DMD: variants seen among roughly 807,000 people sequenced by gnomAD.
DMD encodes the protein dystrophin.
In DMD, 63 loss-of-function variants were observed where a neutral mutation model predicts 330.1. That is an observed-to-expected ratio of 0.19 (90% CI 0.16 to 0.24). The LOEUF (loss-of-function observed/expected upper bound fraction) is 0.24, where lower values mean the gene tolerates loss of function less well. Ranked by LOEUF, DMD falls within the 10% of genes least tolerant of loss-of-function variation. The pLI is 1.00. For missense variants in DMD, 3,344 were observed against 2,684.1 expected, an observed-to-expected ratio of 1.25 and a Z score of -5.43; for synonymous variants, 1,223 against 959.8, an observed-to-expected ratio of 1.27 and a Z score of -5.07.
At chrX:32,796,044 A>G (rs2076157681) in intron 7 of DMD, among the ~76,000 whole-genome samples, 1 of 111,783 alleles carries the variant, frequency 8.9e-6, no homozygotes, top group Non-Finnish European at 1.9e-5. Context: ...TGAAAACAGT[A>G]TGGAGAAGAT....
rs1227539937 is a variant in DMD, at chrX:31,929,671, T to G, written c.6837A>C (p.Val2279=). 5 of 1,209,332 alleles carry G rather than the reference T, an allele frequency of 4.1e-6. No individual in the cohort carries two copies. The African/African-American group carries it at 8.8e-5, about 21-fold the overall frequency. The stretch of plus-strand genomic sequence containing the variant: ...GCTCTTCTGGGCTTATGGGAGCACT[T>G]ACAAGCACGGGTCCTCCAGTTTCAT... ...QLNETGGPVL[V]SAPISPEEQD... is the part of the protein sequence containing the mutation. Residue 2279 remains valine, a synonymous_variant, in exon 47 of 79, where the codon GTA becomes GTC. Transcript: ENST00000357033.
intron 15 of DMD, among the ~76,000 whole-genome samples, chrX:32,569,128 G>A (rs982991611): frequency 2.7e-5 from 3 of 111,188 alleles, no homozygotes; most frequent in African/African-American, 6.6e-5. Flanking sequence ...TACCTCCAAG[G>A]TAGGGAGGAA....
At chrX:32,658,342 A>G (rs2060721466) in intron 9 of DMD, among the ~76,000 whole-genome samples, 1 of 111,021 alleles carries the variant, frequency 9.0e-6, no homozygotes, top group South Asian at 3.8e-4. Context: ...AGACTCCTTA[A>G]CCTTAAGCTT....
chrX:32,330,789 A>G (rs1419158161), intron 41 of DMD, among the ~76,000 whole-genome samples: 1 of 111,634 alleles, frequency 9.0e-6, no homozygotes, highest in Non-Finnish European at 1.9e-5. Context: ...AGAAATACCA[A>G]TTCAGTGTAT....
At chrX:33,130,481 C>T (rs1025461937) in intron 1 of DMD, among the ~76,000 whole-genome samples, 1 of 109,505 alleles carries the variant, frequency 9.1e-6, no homozygotes, top group Admixed American at 9.9e-5. Flanking sequence ...TGGGGCTTGG[C>T]CTCATTAGCT....
At chrX:32,665,185 G>A (rs759263568) in intron 9 of DMD, among the ~76,000 whole-genome samples, 2 of 111,854 alleles carry the variant, frequency 1.8e-5, no homozygotes, top group South Asian at 7.5e-4. Flanking sequence ...TACTGGTTGT[G>A]ATATATGCAG....
At chrX:31,320,987 C>A (rs2056371224) in intron 62 of DMD, among the ~76,000 whole-genome samples, 1 of 111,046 alleles carries the variant, frequency 9.0e-6, no homozygotes, top group Admixed American at 9.6e-5. Context: ...GCATAATAAT[C>A]CTAAATTATA....
intron 30 of DMD, among the ~76,000 whole-genome samples, chrX:32,400,774 G>A (rs779465641): frequency 0.011 from 1,150 of 107,633 alleles, 17 homozygotes; most frequent in African/African-American, 0.037. Context: ...TCAGTGTGGC[G>A]ATTCCTCAGG....
chrX:31,621,776 A>T (rs1283454372), intron 55 of DMD, among the ~76,000 whole-genome samples: 1 of 111,466 alleles, frequency 9.0e-6, no homozygotes, highest in African/African-American at 3.3e-5. Flanking sequence ...GCCCCAGTTG[A>T]TCTAATTTCA....
intron 9 of DMD, among the ~76,000 whole-genome samples, chrX:32,651,573 A>C (rs1237039757): frequency 8.9e-6 from 1 of 112,079 alleles, no homozygotes; most frequent in Non-Finnish European, 1.9e-5. Flanking sequence ...TCAAATGTCA[A>C]GTCTAAATAA....
intron 55 of DMD, among the ~76,000 whole-genome samples, chrX:31,554,298 CA>C (rs200362257): frequency 0.022 from 2,456 of 112,000 alleles, 82 homozygotes; most frequent in Admixed American, 0.13. Context: ...GGGTTCCCCA[CA>C]AAAGTCTGAT....
chrX:31,151,682 A>G (rs747862039), intron 74 of DMD, among the ~76,000 whole-genome samples: 2 of 112,806 alleles, frequency 1.8e-5, no homozygotes, highest in South Asian at 7.3e-4. Flanking sequence ...AAGAATATCA[A>G]TTGCTCAATG....
intron 37 of DMD, among the ~76,000 whole-genome samples, chrX:32,361,266 G>C (rs1179848956): frequency 9.0e-6 from 1 of 111,386 alleles, no homozygotes; most frequent in African/African-American, 3.3e-5. Context: ...AATTGTCTTT[G>C]TAAGTAACAA....
intron 51 of DMD, among the ~76,000 whole-genome samples, chrX:31,767,415 T>C (rs1435163160): frequency 3.8e-5 from 4 of 104,993 alleles, no homozygotes; most frequent in Non-Finnish European, 8.0e-5. Context: ...TGTAAGAAGT[T>C]GAGGGGGGTG....
intron 55 of DMD, among the ~76,000 whole-genome samples, chrX:31,576,325 T>G (rs2076096465): frequency 8.9e-6 from 1 of 112,230 alleles, no homozygotes; most frequent in Non-Finnish European, 1.9e-5. Context: ...CAAAATTTTC[T>G]AAATAATGTT....
chrX:31,932,283 T>TG, intron 45 of DMD, 56 bp from the exon 46 acceptor site: 4 of 949,482 alleles, frequency 4.2e-6, no homozygotes, highest in Non-Finnish European at 6.0e-6. Flanking sequence ...TCTCAAACTA[T>TG]TTGTTAATGC....
intron 44 of DMD, 83 bp downstream of exon 44, chrX:32,216,833 T>A: frequency 1.1e-6 from 1 of 936,230 alleles, no homozygotes; most frequent in Non-Finnish European, 1.5e-6. Flanking sequence ...CCATCACCCT[T>A]CAGAACCTGA....
At position 32,630,798 on chromosome X, in the gene DMD, T is replaced by A. The variant is rs1327648664; in HGVS notation, c.1331+13334A>T. ...GGAATTCTCTGTCTGAAAGGTCACA[T>A]ATCTGTCTCTCCAAGATTGGTCAGC... On this transcript the variant is annotated intron_variant, in intron 11 of 78. Coordinates refer to ENST00000357033, the MANE Select transcript of DMD (RefSeq NM_004006.3). Among the ~76,000 whole-genome samples the A allele has an allele frequency of 2.9e-4, 33 of 112,260 alleles. No individual in the cohort carries two copies. The Admixed American group carries it at 3.1e-3, about 11-fold the overall frequency.
chrX:33,096,360 C>G (rs2095164624), intron 1 of DMD, among the ~76,000 whole-genome samples: 1 of 111,567 alleles, frequency 9.0e-6, no homozygotes, highest in African/African-American at 3.2e-5. Flanking sequence ...TACTCTGGCT[C>G]TGGAGATTTT....
Sources: gnomAD v4.1 joint callset for allele counts (sites outside exome capture counted in the v4.1 genomes callset) on GRCh38, gnomAD v4.1.1 for gene constraint, MANE v1.5 for transcripts, NCBI Gene and HGNC (gene_info 2026-07-23, HGNC 2026-07-21) for gene names.